Variants in SYT5 observed in about 807,000 individuals in gnomAD.
SYT5 encodes the protein synaptotagmin 5.
In SYT5, 29 loss-of-function variants were observed where a neutral mutation model predicts 36.0. The ratio of observed to expected loss-of-function variants is 0.81; its 90% confidence interval spans 0.60 to 1.10. The LOEUF (loss-of-function observed/expected upper bound fraction) is 1.10. SYT5 is among the 50% of genes least tolerant of loss of function. The probability of loss-of-function intolerance (pLI) is 0.00; values close to 1 mark genes in which losing one functional copy is unlikely to be tolerated. For synonymous variants in SYT5, 231 were observed against 227.6 expected (o/e 1.02, Z -0.14); for missense variants, 512 against 516.0 (o/e 0.99, Z 0.08).
chr19:55,178,324 G>A lies in SYT5; in HGVS notation c.124C>T (p.Leu42Phe). Residue 42 changes from leucine (L) to phenylalanine (F), a missense_variant, in exon 3 of 9, where the codon CTC (leucine) becomes TTC (phenylalanine). Physicochemically the swap from Leu to Phe is conservative, Grantham distance 22 (BLOSUM62 0). Transcript: ENST00000354308. The part of the protein sequence containing the change: ...LATIVLVSGL[L>F]IFSCCFCLYR... ...AGACAGAAACAGCAGCTGAAGATGA[G>A]GAGGCCTGAGACCAGCACGATGGTG... The A allele has an allele frequency of 6.2e-7, 1 of 1,612,110 alleles. No homozygotes were observed. The highest frequency in any genetic ancestry group is 8.5e-7 in the Non-Finnish European group (1 of 1,179,442).
At chr19:55,176,245 C>G (rs45578833) in intron 3 of SYT5, 121 bp from the exon 4 acceptor site, 1 of 1,371,156 alleles carries the variant, frequency 7.3e-7, no homozygotes, top group African/African-American at 1.4e-5. Flanking sequence ...ACAGGCTAAG[C>G]AGATTCAGTA....
chr19:55,173,406 T>C lies in SYT5; in HGVS notation c.*78A>G. On this transcript the variant is annotated 3_prime_UTR_variant, in exon 9 of 9. Transcript: ENST00000354308. The surrounding 1 kb of genome is among the most constrained non-coding windows in gnomAD (Gnocchi z 5.4). ...GTCAGAGGAAGCTTAAGGGTGGGGC[T>C]GGCTTGGCTTTGGCCGGTCTCGGGA... 8.1e-7 allele frequency: 1 copy of C among 1,227,222 alleles called. No individual in the cohort carries two copies. Among genetic ancestry groups the C allele is most frequent in the Non-Finnish European group, 1.0e-6 (1 of 961,944 alleles). 76.0% of individuals were successfully genotyped at this position (1,227,222 alleles called of 1,614,324 possible). A position where few individuals can be genotyped will look rare whatever the true frequency, so the allele number is the denominator to read the frequency against.
Position 55,173,273 on chromosome 19 carries a change from G to T in SYT5, c.*211C>A. The T allele has an allele frequency of 2.3e-6, 1 of 434,152 alleles. No homozygotes were observed. The highest frequency in any genetic ancestry group is 2.0e-5 in the African/African-American group (1 of 49,000). 26.9% of individuals were successfully genotyped at this position (434,152 alleles called of 1,614,324 possible). On this transcript the variant is annotated 3_prime_UTR_variant, in exon 9 of 9. Transcript: ENST00000354308. The surrounding 1 kb of genome is among the most constrained non-coding windows in gnomAD (Gnocchi z 5.4). The stretch of plus-strand genomic sequence containing the variant: ...GTCCCTGGGGCATCTGGGTGTGTCC[G>T]CGAGGGTCGGGGGAGTGTGCTGGAA...
rs779652127 is a variant in SYT5, at chr19:55,179,047, C to T, written c.-6G>A. 1 of 1,602,426 alleles carries T rather than the reference C, an allele frequency of 6.2e-7. No individual in the cohort carries two copies. Among genetic ancestry groups the T allele is most frequent in the Admixed American group, 1.7e-5 (1 of 58,232 alleles). On this transcript the variant is annotated 5_prime_UTR_variant, in exon 2 of 9. Transcript: ENST00000354308. This position sits in a 1 kb window ranked among gnomAD's most constrained non-coding sequence, Gnocchi z 4.5. ...GTTGGGGGCTCCGGGAACATGGTGG[C>T]GGGGTCCTGGAGTCTTTTCTGCAGA...
At chr19:55,174,815 A>G in intron 7 of SYT5, 67 bp downstream of exon 7, 1 of 1,582,116 alleles carries the variant, frequency 6.3e-7, no homozygotes, top group Non-Finnish European at 8.7e-7. Flanking sequence ...CGAGGCTCAG[A>G]AACTGTCAGA....
At chr19:55,174,365 G>A (rs2086045923) in intron 8 of SYT5, 152 bp downstream of exon 8, 1 of 1,048,626 alleles carries the variant, frequency 9.5e-7, no homozygotes, top group African/African-American at 1.7e-5. Context: ...AGTGGAAGAG[G>A]CTTCCTGGTC....
At chr19:55,176,259 G>T in intron 3 of SYT5, 135 bp from the exon 4 acceptor site, 1 of 1,199,632 alleles carries the variant, frequency 8.3e-7, no homozygotes, top group African/African-American at 1.5e-5. Flanking sequence ...TTCAGTATTT[G>T]ACTAGTGCTG....
chr19:55,179,057 G>T lies in SYT5; in HGVS notation c.-16C>A. ...CCGGGAACATGGTGGCGGGGTCCTGGAGTCTTTTCTGCAGAGACACTCAAG... is the reference window on the plus strand; with the variant it reads ...CCGGGAACATGGTGGCGGGGTCCTGTAGTCTTTTCTGCAGAGACACTCAAG... On this transcript the variant is annotated 5_prime_UTR_variant, in exon 2 of 9. Transcript: ENST00000354308. The surrounding 1 kb of genome is among the most constrained non-coding windows in gnomAD (Gnocchi z 4.5). 1.9e-6 allele frequency: 3 copies of T among 1,600,696 alleles called. No homozygotes were observed. Among genetic ancestry groups the T allele is most frequent in the Non-Finnish European group, 1.7e-6 (2 of 1,175,508 alleles).
rs2086020788 is a variant in SYT5 at position 55,172,973 on chromosome 19, T to C, written c.*511A>G. ...GAGGGAGTCCATGGGGTCAGGCCAG[T>C]CTCTCAGAGGCTTTCAGGACGAACA... On this transcript the variant is annotated 3_prime_UTR_variant, in exon 9 of 9. Coordinates refer to ENST00000354308, the MANE Select transcript of SYT5 (RefSeq NM_003180.3). 6.5e-6 allele frequency: 1 copy of C among 153,108 alleles called. No individual in the cohort carries two copies. The highest frequency in any genetic ancestry group is 6.5e-5 in the Admixed American group (1 of 15,284). 9.5% of individuals were successfully genotyped at this position (153,108 alleles called of 1,614,324 possible).
Position 55,176,037 on chromosome 19 carries a change from A to G in SYT5, c.340T>C (p.Tyr114His). ...CTCTGGAAGTCATAATCCAGGGAGT[A>G]CTGCAGTCGTCCTAGCTCATGCTTG... ...ADKHELGRLQ[Y>H]SLDYDFQSGQ... is the part of the protein sequence containing the mutation. Residue 114 changes from tyrosine (Y) to histidine (H), a missense_variant, in exon 4 of 9, where the codon TAC becomes CAC. Transcript: ENST00000354308. 1 of 1,614,146 alleles carries G rather than the reference A, an allele frequency of 6.2e-7. No individual in the cohort carries two copies. The highest frequency in any genetic ancestry group is 8.5e-7 in the Non-Finnish European group (1 of 1,180,016).
rs945305232 is a variant in SYT5 at position 55,173,553 on chromosome 19, C to T, written c.1092G>A (p.Pro364=). ...AGTGCCACTGGGCAATGGGCCGCCGCGGGTTGGCCAGCATGTCCGCCCAGT... is the reference window on the plus strand; with the variant it reads ...AGTGCCACTGGGCAATGGGCCGCCGTGGGTTGGCCAGCATGTCCGCCCAGT... The part of the protein sequence containing the change: ...LRHWADMLAN[P]RRPIAQWHSL... Residue 364 remains proline (P), a synonymous_variant, in exon 9 of 9, where the codon CCG becomes CCA. Transcript: ENST00000354308. This position sits in a 1 kb window ranked among gnomAD's most constrained non-coding sequence, Gnocchi z 5.4. 7.1e-7 allele frequency: 1 copy of T among 1,415,760 alleles called. No individual in the cohort carries two copies. Among genetic ancestry groups the T allele is most frequent in the Non-Finnish European group, 9.2e-7 (1 of 1,084,062 alleles). The allele number at this position is 1,415,760 out of a possible 1,614,324, so 87.7% of individuals were successfully genotyped here.
In SYT5 at chr19:55,173,408, G is replaced by T; in HGVS notation, c.*76C>A. ...CAGAGGAAGCTTAAGGGTGGGGCTG[G>T]CTTGGCTTTGGCCGGTCTCGGGAGT... is the stretch of plus-strand genomic sequence containing the variant. On this transcript the variant is annotated 3_prime_UTR_variant, in exon 9 of 9. Coordinates refer to ENST00000354308, the MANE Select transcript of SYT5 (RefSeq NM_003180.3). The surrounding 1 kb of genome is among the most constrained non-coding windows in gnomAD (Gnocchi z 5.4). 2 of 1,248,034 alleles carry T rather than the reference G, an allele frequency of 1.6e-6. No homozygotes were observed. The highest frequency in any genetic ancestry group is 2.0e-6 in the Non-Finnish European group (2 of 975,954). The allele number at this position is 1,248,034 out of a possible 1,614,324, so 77.3% of individuals were successfully genotyped here. A position where few individuals can be genotyped will look rare whatever the true frequency, so the allele number is the denominator to read the frequency against.
Position 55,178,342 on chromosome 19 carries a change from C to T in SYT5, c.106G>A (p.Val36Met), listed in dbSNP as rs776419997. 18 of 1,611,792 alleles carry T rather than the reference C, an allele frequency of 1.1e-5. No homozygotes were observed. Among genetic ancestry groups the T allele is most frequent in the Non-Finnish European group, 1.4e-5 (17 of 1,179,428 alleles). Residue 36 changes from valine (V) to methionine (M), a missense_variant, in exon 3 of 9, where the codon GTG becomes ATG. Transcript: ENST00000354308. Reference protein sequence around the residue: ...PVPPWALATIVLVSGLLIFSC... With the variant: ...PVPPWALATIMLVSGLLIFSC... ...AAGATGAGGAGGCCTGAGACCAGCA[C>T]GATGGTGGCCAGGGCCCAGGGGGGC...
chr19:55,178,081 G>A (rs544364315), intron 3 of SYT5, 115 bp downstream of exon 3: 20 of 1,200,524 alleles, frequency 1.7e-5, no homozygotes, highest in Middle Eastern at 5.8e-4. Context: ...GGGAGGATGA[G>A]CCAGTAAGGT....
intron 3 of SYT5, among the ~76,000 whole-genome samples, chr19:55,176,828 T>C (rs1051821659): frequency 2.0e-5 from 3 of 152,158 alleles, no homozygotes; most frequent in Non-Finnish European, 4.4e-5. Context: ...CGGATGCTAA[T>C]TGAACAGCTC....
At chr19:55,178,157 C>G in intron 3 of SYT5, 39 bp downstream of exon 3, 1 of 1,589,954 alleles carries the variant, frequency 6.3e-7, no homozygotes, top group Non-Finnish European at 8.6e-7. Flanking sequence ...GAGCAGGGTG[C>G]GGGAAGGGGC....
At position 55,180,142 on chromosome 19, in the gene SYT5, C is replaced by T. The variant is rs1268101874; in HGVS notation, c.-71G>A. 1.3e-5 allele frequency: 2 copies of T among 152,384 alleles called. No homozygotes were observed. The highest frequency in any genetic ancestry group is 1.3e-4 in the Admixed American group (2 of 15,292). The allele number at this position is 152,384 out of a possible 1,614,324, so 9.4% of individuals were successfully genotyped here. On this transcript the variant is annotated 5_prime_UTR_variant, in exon 1 of 9. Coordinates refer to ENST00000354308, the MANE Select transcript of SYT5 (RefSeq NM_003180.3). ...CTGCTCGGCGGCTGGACGGGACACTCCCGGGAGACGCCGAGGCGCCAGCCC... is the reference window on the plus strand; with the variant it reads ...CTGCTCGGCGGCTGGACGGGACACTTCCGGGAGACGCCGAGGCGCCAGCCC...
Position 55,173,721 on chromosome 19 carries a change from T to A in SYT5, c.961-37A>T. 1 of 1,320,024 alleles carries A rather than the reference T, an allele frequency of 7.6e-7. No homozygotes were observed. The highest frequency in any genetic ancestry group is 1.5e-5 in the African/African-American group (1 of 64,618). 81.8% of individuals were successfully genotyped at this position (1,320,024 alleles called of 1,614,324 possible). A position where few individuals can be genotyped will look rare whatever the true frequency, so the allele number is the denominator to read the frequency against. ...GCGGGAGGAAGAGGAGAGAGGAGCGTGAGGGGAGGAGGCCCCGGAAGGGGC... is the reference window on the plus strand; with the variant it reads ...GCGGGAGGAAGAGGAGAGAGGAGCGAGAGGGGAGGAGGCCCCGGAAGGGGC... On this transcript the variant is annotated intron_variant, in intron 8 of 8. Transcript: ENST00000354308. This position sits in a 1 kb window ranked among gnomAD's most constrained non-coding sequence, Gnocchi z 5.4.
Position 55,179,690 on chromosome 19 carries a change from A to C in SYT5, c.-46+427T>G. ...GCAGGTTCCCTCTTCCCTCTCCCCA[A>C]TTTTGCTGGAGGGCGGGTCGGGGGC... On this transcript the variant is annotated intron_variant, in intron 1 of 8. Transcript: ENST00000354308. The surrounding 1 kb of genome is among the most constrained non-coding windows in gnomAD (Gnocchi z 4.5). 6.5e-6 allele frequency: 1 copy of C among 154,406 alleles called. No homozygotes were observed. Among genetic ancestry groups the C allele is most frequent in the Non-Finnish European group, 1.4e-5 (1 of 69,802 alleles). The allele number at this position is 154,406 out of a possible 1,614,324, so 9.6% of individuals were successfully genotyped here.
Sources: allele counts gnomAD v4.1 joint callset (sites outside exome capture counted in the v4.1 genomes callset), GRCh38; gene constraint gnomAD v4.1.1; non-coding constraint Gnocchi (gnomAD v3.1); transcripts MANE v1.5; gene names NCBI Gene and HGNC (gene_info 2026-07-23, HGNC 2026-07-21).